The following ANGPT2 variants were observed in gnomAD, a reference collection of about 807,000 sequenced individuals.
ANGPT2 encodes angiopoietin 2.
ANGPT2 carries 28 observed loss-of-function variants against 62.9 expected under a neutral mutation model. The ratio of observed to expected loss-of-function variants is 0.44; its 90% CI spans 0.33 to 0.61. The LOEUF is 0.61. ANGPT2 is among the 20% of genes least tolerant of loss of function. The pLI is 0.03. For synonymous variants in ANGPT2, 284 were observed against 207.8 expected (o/e 1.37, Z -3.15); for missense variants, 727 against 594.9 (o/e 1.22, Z -2.31).
At chr8:6,527,861 A>G (rs1818639080) in intron 2 of ANGPT2, among the ~76,000 whole-genome samples, 185 bp from the exon 3 acceptor site, 1 of 149,770 alleles carries the variant, frequency 6.7e-6, no homozygotes, top group South Asian at 2.1e-4. Flanking sequence ...ATCACATCTG[A>G]GTGTGTTAAA....
chr8:6,512,714 C>T (rs1464264892), intron 7 of ANGPT2, among the ~76,000 whole-genome samples: 2 of 152,176 alleles, frequency 1.3e-5, no homozygotes, highest in South Asian at 2.1e-4. Flanking sequence ...CATTGCTGTT[C>T]TCTCTCTCTA....
At chr8:6,510,256 G>A (rs901555826) in intron 7 of ANGPT2, among the ~76,000 whole-genome samples, 15 of 151,702 alleles carry the variant, frequency 9.9e-5, no homozygotes, top group African/African-American at 3.4e-4. Flanking sequence ...AGGCATTCAC[G>A]TAATGGGGTA....
At chr8:6,561,508 AGGT>A (rs993326798) in intron 1 of ANGPT2, among the ~76,000 whole-genome samples, 3 of 152,208 alleles carry the variant, frequency 2.0e-5, no homozygotes, top group Admixed American at 6.5e-5. Context: ...TCCTAACAAA[AGGT>A]TTATGGTGAA....
At chr8:6,522,459 C>A (rs183983601) in intron 3 of ANGPT2, among the ~76,000 whole-genome samples, 1 of 151,930 alleles carries the variant, frequency 6.6e-6, no homozygotes. Context: ...ATTCCCATTT[C>A]CAATGAGGAA....
At chr8:6,540,098 T>A (rs1032796385) in intron 1 of ANGPT2, among the ~76,000 whole-genome samples, 2 of 152,232 alleles carry the variant, frequency 1.3e-5, no homozygotes, top group Non-Finnish European at 2.9e-5. Flanking sequence ...CTACAGTAAT[T>A]TGAGTGTACC....
At chr8:6,504,605 A>G (rs1812903340) in intron 8 of ANGPT2, among the ~76,000 whole-genome samples, 1 of 152,186 alleles carries the variant, frequency 6.6e-6, no homozygotes, top group East Asian at 1.9e-4. Flanking sequence ...AGATATGTCA[A>G]AGAGAAGCTG....
intron 1 of ANGPT2, among the ~76,000 whole-genome samples, chr8:6,535,746 T>G (rs1299046417): frequency 6.6e-6 from 1 of 152,138 alleles, no homozygotes; most frequent in African/African-American, 2.4e-5. Context: ...ATATTTTGTG[T>G]TGATTTAAAA....
intron 5 of ANGPT2, among the ~76,000 whole-genome samples, chr8:6,515,875 C>T (rs1240967170): frequency 1.3e-5 from 2 of 152,136 alleles, no homozygotes; most frequent in Admixed American, 6.5e-5. Flanking sequence ...AAGAGGAGAG[C>T]GAAAAGAGAA....
chr8:6,503,317 C>A (rs779212052), intron 8 of ANGPT2, 56 bp from the exon 9 acceptor site: 1 of 1,591,640 alleles, frequency 6.3e-7, no homozygotes, highest in East Asian at 2.2e-5. Context: ...GCTCCCACCA[C>A]GAAGACAGCA....
At chr8:6,510,665 G>A (rs1001668261) in intron 7 of ANGPT2, among the ~76,000 whole-genome samples, 1 of 152,164 alleles carries the variant, frequency 6.6e-6, no homozygotes, top group Non-Finnish European at 1.5e-5. Context: ...AGTCATGGAG[G>A]TAGGATTTGC....
chr8:6,515,900 T>C (rs1816176421), intron 5 of ANGPT2, among the ~76,000 whole-genome samples: 1 of 152,208 alleles, frequency 6.6e-6, no homozygotes. Context: ...GAGAGTGCTA[T>C]TCCTGTTCTT....
chr8:6,547,763 G>A (rs1412144294), intron 1 of ANGPT2, among the ~76,000 whole-genome samples: 1 of 152,130 alleles, frequency 6.6e-6, no homozygotes, highest in Non-Finnish European at 1.5e-5. Context: ...CACTCGGTGG[G>A]AACAAAAGCT....
chr8:6,557,771 C>T (rs73507187), intron 1 of ANGPT2, among the ~76,000 whole-genome samples: 4,439 of 151,704 alleles, frequency 0.029, 156 homozygotes, highest in African/African-American at 0.083. Context: ...CATTAAGTAC[C>T]GTAAACATCC....
chr8:6,541,463 G>A (rs917400518), intron 1 of ANGPT2, among the ~76,000 whole-genome samples: 4 of 152,142 alleles, frequency 2.6e-5, no homozygotes, highest in African/African-American at 9.7e-5. Context: ...AGTAGATTGG[G>A]GCAGGGCAGG....
At chr8:6,517,791 C>G (rs894549448) in intron 5 of ANGPT2, among the ~76,000 whole-genome samples, 2 of 152,184 alleles carry the variant, frequency 1.3e-5, no homozygotes, top group African/African-American at 4.8e-5. Context: ...AATGGCAGAG[C>G]TAGAATTTAC....
intron 7 of ANGPT2, among the ~76,000 whole-genome samples, chr8:6,513,445 G>T (rs1157955455): frequency 2.0e-5 from 3 of 149,924 alleles, no homozygotes; most frequent in African/African-American, 7.4e-5. Context: ...CCATTCTTCT[G>T]CCTCAGCCTC....
chr8:6,547,584 C>T (rs1198256030), intron 1 of ANGPT2, among the ~76,000 whole-genome samples: 2 of 152,160 alleles, frequency 1.3e-5, no homozygotes, highest in Admixed American at 6.6e-5. Flanking sequence ...TTTGGACCAC[C>T]GTAGAATGGC....
intron 1 of ANGPT2, among the ~76,000 whole-genome samples, chr8:6,533,352 G>A (rs1303354903): frequency 6.6e-6 from 1 of 152,204 alleles, no homozygotes; most frequent in Admixed American, 6.5e-5. Context: ...CAAGACAACT[G>A]AGTACGTGGG....
Position 6,500,931 on chromosome 8 carries a change from G to T in ANGPT2, c.*2170C>A, listed in dbSNP as rs58788193. On this transcript the variant is annotated 3_prime_UTR_variant, in exon 9 of 9. Coordinates refer to ENST00000629816, the MANE Select transcript of ANGPT2 (RefSeq NM_001118887.2). ...GTTGTTGCCAGTTTTTCCTGCATTAGCGTTTCCCTACCTAAGTATCCATCA... is the reference window on the plus strand; with the variant it reads ...GTTGTTGCCAGTTTTTCCTGCATTATCGTTTCCCTACCTAAGTATCCATCA... 1 of 152,180 alleles carries T rather than the reference G, an allele frequency of 6.6e-6. No individual in the cohort carries two copies. Among genetic ancestry groups the T allele is most frequent in the Non-Finnish European group, 1.5e-5 (1 of 68,032 alleles). The allele number at this position is 152,180 out of a possible 1,614,324, so 9.4% of individuals were successfully genotyped here.
Sources: allele counts gnomAD v4.1 joint callset (sites outside exome capture counted in the v4.1 genomes callset), GRCh38; gene constraint gnomAD v4.1.1; transcripts MANE v1.5; gene names NCBI Gene and HGNC (gene_info 2026-07-23, HGNC 2026-07-21).